KDM6A: variants seen among roughly 807,000 people sequenced by gnomAD.
The protein encoded by KDM6A is lysine-specific demethylase 6A.
A neutral mutation model predicts 117.6 loss-of-function variants in KDM6A; 11 were observed. That is an observed-to-expected ratio of 0.09 (90% CI 0.06 to 0.15). The LOEUF is 0.15. KDM6A is among the 10% of genes least tolerant of loss of function. KDM6A has a pLI of 1.00. For missense variants in KDM6A, 799 were observed against 1,077.3 expected (o/e 0.74, Z 3.62); for synonymous variants, 384 against 396.1 (o/e 0.97, Z 0.36).
chrX:45,101,484 C>T (rs957179414), intron 27 of KDM6A, among the ~76,000 whole-genome samples: 1 of 110,817 alleles, frequency 9.0e-6, no homozygotes, highest in Admixed American at 9.6e-5. Context: ...CCCCCACTTT[C>T]CTTTCCCAGG....
chrX:45,033,626 T>C (rs1340047323), intron 6 of KDM6A, among the ~76,000 whole-genome samples: 1 of 110,812 alleles, frequency 9.0e-6, no homozygotes, highest in Non-Finnish European at 1.9e-5. Context: ...CACTCTTGGC[T>C]CACTGCAATC....
rs746457592 is a variant in KDM6A at position 44,896,324 on chromosome X, G to A, written c.225+22337G>A. On this transcript the variant is annotated intron_variant, in intron 2 of 29. Coordinates refer to ENST00000611820, the MANE Select transcript of KDM6A (RefSeq NM_001291415.2). ...GATCTCCTGACCTCGTGATCCGCCC[G>A]CCTCGGCCTCCCAAAGTGCTGGGAT... Among the ~76,000 whole-genome samples, 9 of 110,544 alleles carry A rather than the reference G, an allele frequency of 8.1e-5. No homozygotes were observed. The South Asian group carries it at 1.5e-3, about 19-fold the overall frequency.
chrX:44,915,533 A>G (rs2035496477), intron 2 of KDM6A, among the ~76,000 whole-genome samples: 1 of 112,288 alleles, frequency 8.9e-6, no homozygotes, highest in African/African-American at 3.2e-5. Flanking sequence ...GTACGCTCTT[A>G]TCCACGGTTT....
chrX:45,093,124 A>G (rs765366567), intron 27 of KDM6A, among the ~76,000 whole-genome samples: 11 of 110,568 alleles, frequency 9.9e-5, no homozygotes. Flanking sequence ...GCTCATCCCT[A>G]TAATCCTTGC....
In KDM6A at chrX:45,061,377, G is replaced by A. The variant is rs2147975964; in HGVS notation, c.1539G>A (p.Gln513=). 8.5e-7 allele frequency: 1 copy of A among 1,176,598 alleles called. No homozygotes were observed. The highest frequency in any genetic ancestry group is 1.2e-6 in the Non-Finnish European group (1 of 868,414). Residue 513 remains glutamine (Q), a synonymous_variant, in exon 15 of 30, where the codon CAG becomes CAA. Coordinates refer to ENST00000611820, the MANE Select transcript of KDM6A (RefSeq NM_001291415.2). ...ATGCTGTGTCACATCCTCCAGTACAGCAACAAGCTCATTCATGGTGTTTGA... is the reference window on the plus strand; with the variant it reads ...ATGCTGTGTCACATCCTCCAGTACAACAACAAGCTCATTCATGGTGTTTGA... ...GGHAVSHPPV[Q]QQAHSWCLTP...
intron 2 of KDM6A, among the ~76,000 whole-genome samples, chrX:44,902,070 T>TA (rs2034383704): frequency 9.0e-6 from 1 of 110,993 alleles, no homozygotes; most frequent in Non-Finnish European, 1.9e-5. Context: ...CTGCTAAAAA[T>TA]ACAAAAATTA....
intron 6 of KDM6A, among the ~76,000 whole-genome samples, chrX:45,033,946 A>G (rs2042706421): frequency 9.0e-6 from 1 of 111,328 alleles, no homozygotes; most frequent in African/African-American, 3.3e-5. Context: ...TTGGGTAGCC[A>G]ACATCAATAA....
chrX:44,942,138 G>T (rs1239394748), intron 2 of KDM6A, among the ~76,000 whole-genome samples: 1 of 108,892 alleles, frequency 9.2e-6, no homozygotes, highest in African/African-American at 3.4e-5. Flanking sequence ...GGGTTCAAGC[G>T]ATTCTCCTGC....
At position 44,913,398 on chromosome X, in the gene KDM6A, G is replaced by A. The variant is rs916578646; in HGVS notation, c.225+39411G>A. On this transcript the variant is annotated intron_variant, in intron 2 of 29. Coordinates refer to ENST00000611820, the MANE Select transcript of KDM6A (RefSeq NM_001291415.2). ...ACTGCGACCTCCGCCTCCTGGGTTC[G>A]AGCGATTCTCCTGTCTCAGCCTCCC... Among the ~76,000 whole-genome samples, 4 of 104,643 alleles carry A rather than the reference G, an allele frequency of 3.8e-5. No homozygotes were observed. The East Asian group carries it at 8.9e-4, about 23-fold the overall frequency. The allele number at this position is 104,643 out of a possible 115,157, so 90.9% of individuals were successfully genotyped here.
chrX:44,882,847 GCAGT>G (rs1278878812), intron 2 of KDM6A, among the ~76,000 whole-genome samples: 1 of 111,365 alleles, frequency 9.0e-6, no homozygotes, highest in Non-Finnish European at 1.9e-5. Context: ...CCTCTGTCCT[GCAGT>G]CAGTCTGTTG....
At chrX:44,884,102 CAAAAAAAAAAAAA>C (rs60159327) in intron 2 of KDM6A, among the ~76,000 whole-genome samples, 1 of 23,774 alleles carries the variant, frequency 4.2e-5, no homozygotes, top group African/African-American at 1.2e-4. Flanking sequence ...AACTCTATCT[CAAAAAAAAAAAAA>C]AAAAAAAAAA....
In KDM6A at chrX:44,922,157, C is replaced by T. The variant is rs189331872; in HGVS notation, c.226-39127C>T. On this transcript the variant is annotated intron_variant, in intron 2 of 29. Coordinates refer to ENST00000611820, the MANE Select transcript of KDM6A (RefSeq NM_001291415.2). The stretch of plus-strand genomic sequence containing the variant: ...TCCCGGGTTTAAGCAATTCTCCTGC[C>T]TCAGCCTCCCCTAGTAGCTGGGATT... 3.0e-5 allele frequency among the ~76,000 whole-genome samples: 3 copies of T among 99,960 alleles called. No homozygotes were observed. The East Asian group carries it at 9.8e-4, about 33-fold the overall frequency. The allele number at this position is 99,960 out of a possible 115,157, so 86.8% of individuals were successfully genotyped here.
At chrX:44,907,481 C>CTTT (rs1157850343) in intron 2 of KDM6A, among the ~76,000 whole-genome samples, 1 of 73,153 alleles carries the variant, frequency 1.4e-5, no homozygotes. Flanking sequence ...TTTTTTTTTT[C>CTTT]TTTTTTTTTT....
chrX:44,926,647 G>T (rs912013776), intron 2 of KDM6A, among the ~76,000 whole-genome samples: 6 of 111,449 alleles, frequency 5.4e-5, no homozygotes, highest in Admixed American at 4.8e-4. Context: ...TTGTATTTTT[G>T]ATAGATATTG....
chrX:44,966,855 T>TTA (rs2039038069), intron 3 of KDM6A, among the ~76,000 whole-genome samples: 8 of 102,843 alleles, frequency 7.8e-5, no homozygotes, highest in African/African-American at 3.3e-4. Flanking sequence ...TTAAAATAAA[T>TTA]TCTCTCTCTC....
intron 18 of KDM6A, among the ~76,000 whole-genome samples, chrX:45,076,108 T>C (rs2045101812): frequency 9.0e-6 from 1 of 111,358 alleles, no homozygotes; most frequent in Admixed American, 9.6e-5. Flanking sequence ...AAGTAATAAT[T>C]ATATACAGTG....
At chrX:45,068,161 C>T (rs2044624159) in intron 17 of KDM6A, among the ~76,000 whole-genome samples, 1 of 111,628 alleles carries the variant, frequency 9.0e-6, no homozygotes, top group African/African-American at 3.3e-5. Flanking sequence ...ACAAAATGCT[C>T]TAACCTTGTT....
chrX:44,964,800 C>T (rs750887188), intron 3 of KDM6A, among the ~76,000 whole-genome samples: 88 of 111,669 alleles, frequency 7.9e-4, no homozygotes, highest in African/African-American at 2.8e-3. Flanking sequence ...CAATTGCTTC[C>T]ACTTAAAGGC....
rs903011757 is a variant in KDM6A, at chrX:45,109,986, A to G, written c.4162-93A>G. ...CTCTTAACCAGAGATCACTGTCCAC[A>G]ATTTCATTCAAGTAGAATTCCATGA... On this transcript the variant is annotated intron_variant, in intron 28 of 29. Coordinates refer to ENST00000611820, the MANE Select transcript of KDM6A (RefSeq NM_001291415.2). 22 of 866,579 alleles carry G rather than the reference A, an allele frequency of 2.5e-5. No homozygotes were observed. The East Asian group carries it at 7.0e-4, about 28-fold the overall frequency. The allele number at this position is 866,579 out of a possible 1,213,427, so 71.4% of individuals were successfully genotyped here.
Sources: gnomAD v4.1 joint callset for allele counts (sites outside exome capture counted in the v4.1 genomes callset) on GRCh38, gnomAD v4.1.1 for gene constraint, MANE v1.5 for transcripts, NCBI Gene and HGNC (gene_info 2026-07-23, HGNC 2026-07-21) for gene names.